ZKSCAN1: variants seen among roughly 807,000 people sequenced by gnomAD.
The protein encoded by ZKSCAN1 is zinc finger with KRAB and SCAN domains 1.
A neutral mutation model predicts 51.6 loss-of-function variants in ZKSCAN1; 14 were observed. That is an observed-to-expected ratio of 0.27 (90% CI 0.18 to 0.42). The LOEUF (loss-of-function observed/expected upper bound fraction) is 0.42. Among genes scored for constraint, ZKSCAN1 ranks in the 10% least tolerant of loss-of-function variants. The pLI is 1.00. For missense variants in ZKSCAN1, 531 were observed against 710.0 expected (o/e 0.75, Z 2.86); for synonymous variants, 263 against 261.5 (o/e 1.01, Z -0.06).
downstream of ZKSCAN1, chr7:100,045,068 C>G (rs1198537216): frequency 8.5e-5 from 68 of 802,378 alleles, no homozygotes; most frequent in Non-Finnish European, 9.4e-5. Context: ...ATCTTTTCCT[C>G]TCCTGGGTTT....
At position 100,038,494 on chromosome 7, in the gene ZKSCAN1, T is replaced by C. The variant is rs1791459104; in HGVS notation, c.*4297T>C. ...CTTTAAACGTGCAGCCTTTTGAATT[T>C]TTCCTCAAAACCAAGAAGTTGACCT... On this transcript the variant is annotated 3_prime_UTR_variant, in exon 6 of 6. Coordinates refer to ENST00000324306, the MANE Select transcript of ZKSCAN1 (RefSeq NM_003439.4). The C allele has an allele frequency of 1.0e-6, 1 of 985,446 alleles. No homozygotes were observed. The highest frequency in any genetic ancestry group is 1.2e-6 in the Non-Finnish European group (1 of 829,946). The allele number at this position is 985,446 out of a possible 1,614,324, so 61.0% of individuals were successfully genotyped here.
At chr7:100,021,801 G>A (rs1790602447) in intron 1 of ZKSCAN1, among the ~76,000 whole-genome samples, 1 of 150,042 alleles carries the variant, frequency 6.7e-6, no homozygotes, top group African/African-American at 2.5e-5. Context: ...CTGGAATGCA[G>A]TGGCGTGATC....
downstream of ZKSCAN1, chr7:100,044,701 A>T: frequency 1.4e-6 from 1 of 725,370 alleles, no homozygotes; most frequent in Non-Finnish European, 1.7e-6. Flanking sequence ...AAAAAAAAAA[A>T]AAAAGTAGCA....
intron 5 of ZKSCAN1, among the ~76,000 whole-genome samples, chr7:100,031,768 G>A (rs1416194611): frequency 6.6e-6 from 1 of 152,038 alleles, no homozygotes; most frequent in Non-Finnish European, 1.5e-5. Flanking sequence ...GATTCCTGTA[G>A]CCTGCCAGGT....
intron 1 of ZKSCAN1, chr7:100,016,681 CT>C (rs1790380055): frequency 1.3e-5 from 2 of 152,262 alleles, no homozygotes; most frequent in Admixed American, 6.6e-5. Flanking sequence ...GCAGTGCCCC[CT>C]GTACACAGTA....
chr7:100,020,673 A>G (rs1478869959), intron 1 of ZKSCAN1, among the ~76,000 whole-genome samples: 1 of 152,186 alleles, frequency 6.6e-6, no homozygotes, highest in Non-Finnish European at 1.5e-5. Context: ...ATGTATATAT[A>G]ATTTTTGTGC....
chr7:100,027,747 CAAA>C (rs1199868325), intron 3 of ZKSCAN1, among the ~76,000 whole-genome samples: 3 of 68,404 alleles, frequency 4.4e-5, no homozygotes, highest in Admixed American at 1.7e-4. Context: ...GATGCTGTCT[CAAA>C]AAAAAAAAAA....
chr7:100,023,925 G>C lies in ZKSCAN1; in HGVS notation c.419G>C (p.Gly140Ala). The C allele has an allele frequency of 6.3e-7, 1 of 1,583,790 alleles. No homozygotes were observed. Among genetic ancestry groups the C allele is most frequent in the East Asian group, 2.2e-5 (1 of 44,696 alleles). The stretch of plus-strand genomic sequence containing the variant: ...GAAGACTTGGAGCTTGATTTATCAG[G>C]ACAACAGGTAAAAAGAGGTGAAACC... ...LLEDLELDLS[G>A]QQVPGQVHGP... Residue 140 changes from glycine (G) to alanine (A), a missense_variant, in exon 2 of 6, where the codon GGA (glycine) becomes GCA (alanine). Transcript: ENST00000324306.
At chr7:100,018,113 G>A (rs1329229931) in intron 1 of ZKSCAN1, among the ~76,000 whole-genome samples, 2 of 152,190 alleles carry the variant, frequency 1.3e-5, no homozygotes, top group African/African-American at 2.4e-5. Flanking sequence ...GCATAGAGAG[G>A]TTAACTTGTT....
At chr7:100,024,455 A>T in intron 3 of ZKSCAN1, 148 bp downstream of exon 3, 1 of 1,004,514 alleles carries the variant, frequency 1.0e-6, no homozygotes, top group Non-Finnish European at 1.4e-6. Flanking sequence ...TTAGCCAGGT[A>T]TAGTGGCGCA....
At chr7:100,028,416 A>G (rs1397535579) in intron 3 of ZKSCAN1, among the ~76,000 whole-genome samples, 2 of 152,104 alleles carry the variant, frequency 1.3e-5, no homozygotes, top group African/African-American at 4.8e-5. Flanking sequence ...GGGGAGACCA[A>G]GGTGGGAGGA....
In ZKSCAN1 at chr7:100,039,791, G is replaced by T; in HGVS notation, c.*5594G>T. 8.1e-6 allele frequency: 8 copies of T among 985,372 alleles called. No homozygotes were observed. Among genetic ancestry groups the T allele is most frequent in the Non-Finnish European group, 9.6e-6 (8 of 829,928 alleles). 61.0% of individuals were successfully genotyped at this position (985,372 alleles called of 1,614,324 possible). On this transcript the variant is annotated 3_prime_UTR_variant, in exon 6 of 6. Coordinates refer to ENST00000324306, the MANE Select transcript of ZKSCAN1 (RefSeq NM_003439.4). Reference sequence around the variant, plus strand: ...GAGCAACTTCTCAGAGATACGAGGGGGCTAGGGTTTTCCCATCTGGGAAAT... The same window carrying T: ...GAGCAACTTCTCAGAGATACGAGGGTGCTAGGGTTTTCCCATCTGGGAAAT...
downstream of ZKSCAN1, among the ~76,000 whole-genome samples, chr7:100,042,737 CGT>C (rs34820993): frequency 0.042 from 6,119 of 144,670 alleles, 130 homozygotes; most frequent in Middle Eastern, 0.08. Context: ...TATAGATACA[CGT>C]GTGTGTGTGT....
Position 100,037,090 on chromosome 7 carries a change from C to T in ZKSCAN1, c.*2893C>T, listed in dbSNP as rs1791395876. ...TACAACTGTTTATTAAAACCACTTG[C>T]AGTGCATTCGTTTATCAGATGCTCA... On this transcript the variant is annotated 3_prime_UTR_variant, in exon 6 of 6. Transcript: ENST00000324306. 1 of 985,410 alleles carries T rather than the reference C, an allele frequency of 1.0e-6. No homozygotes were observed. Among genetic ancestry groups the T allele is most frequent in the Non-Finnish European group, 1.2e-6 (1 of 829,938 alleles). 61.0% of individuals were successfully genotyped at this position (985,410 alleles called of 1,614,324 possible). A position where few individuals can be genotyped will look rare whatever the true frequency, so the allele number is the denominator to read the frequency against.
Position 100,041,188 on chromosome 7 carries a change from A to T in ZKSCAN1, c.*6991A>T, listed in dbSNP as rs779086083. 541 of 731,354 alleles carry T rather than the reference A, an allele frequency of 7.4e-4. No homozygotes were observed. The highest frequency in any genetic ancestry group is 8.6e-4 in the Non-Finnish European group (516 of 598,254). The allele number at this position is 731,354 out of a possible 1,614,324, so 45.3% of individuals were successfully genotyped here. On this transcript the variant is annotated 3_prime_UTR_variant, in exon 6 of 6. Transcript: ENST00000324306. ...GTCAGTTCCCAGCTTCTTCGTTTAG[A>T]ATAAATTAGACCAAAAGAAGAAACG... is the stretch of plus-strand genomic sequence containing the variant.
At position 100,034,073 on chromosome 7, in the gene ZKSCAN1, G is replaced by A. The variant is rs1791236261; in HGVS notation, c.1568G>A (p.Gly523Asp). 6.2e-7 allele frequency: 1 copy of A among 1,613,584 alleles called. No homozygotes were observed. The highest frequency in any genetic ancestry group is 8.5e-7 in the Non-Finnish European group (1 of 1,179,894). Residue 523 changes from glycine to aspartate, a missense_variant, in exon 6 of 6, where the codon GGC becomes GAC. Coordinates refer to ENST00000324306, the MANE Select transcript of ZKSCAN1 (RefSeq NM_003439.4). ...AAGCCCTACAAGTGCACTAAGTGTG[G>A]CAAGGCCTTCACCCGCAGCTCCACC... ...REKPYKCTKC[G>D]KAFTRSSTLT...
Position 100,036,339 on chromosome 7 carries a change from T to C in ZKSCAN1, c.*2142T>C. On this transcript the variant is annotated 3_prime_UTR_variant, in exon 6 of 6. Transcript: ENST00000324306. ...AACTAAAATGGAGGCAGAAAATGTTTTAAGGATTTTCTTCAAAGAATAAGC... is the reference window on the plus strand; with the variant it reads ...AACTAAAATGGAGGCAGAAAATGTTCTAAGGATTTTCTTCAAAGAATAAGC... 1.0e-6 allele frequency: 1 copy of C among 985,386 alleles called. No homozygotes were observed. Among genetic ancestry groups the C allele is most frequent in the Non-Finnish European group, 1.2e-6 (1 of 829,922 alleles). 61.0% of individuals were successfully genotyped at this position (985,386 alleles called of 1,614,324 possible). A position where few individuals can be genotyped will look rare whatever the true frequency, so the allele number is the denominator to read the frequency against.
At position 100,033,410 on chromosome 7, in the gene ZKSCAN1, G is replaced by A; in HGVS notation, c.905G>A (p.Gly302Glu). Residue 302 changes from glycine to glutamate, a missense_variant, in exon 6 of 6, where the codon GGA (glycine) becomes GAA (glutamate). By Grantham distance (98) the Gly-to-Glu change is moderately conservative. Transcript: ENST00000324306. The surrounding 1 kb of genome is among the most constrained non-coding windows in gnomAD (Gnocchi z 4.1). Reference sequence around the variant, plus strand: ...ACAGGAAGATCCCAGAAAGAGTTTGGAGAGAAACGTGACCAGGAGGGCAAA... The same window carrying A: ...ACAGGAAGATCCCAGAAAGAGTTTGAAGAGAAACGTGACCAGGAGGGCAAA... The part of the protein sequence containing the change: ...ETTGRSQKEF[G>E]EKRDQEGKTG... The A allele has an allele frequency of 6.2e-7, 1 of 1,614,116 alleles. No individual in the cohort carries two copies. Among genetic ancestry groups the A allele is most frequent in the Non-Finnish European group, 8.5e-7 (1 of 1,180,028 alleles).
chr7:100,022,119 ATCTCGGC>A (rs1790616441), intron 1 of ZKSCAN1, among the ~76,000 whole-genome samples: 1 of 152,162 alleles, frequency 6.6e-6, no homozygotes, highest in African/African-American at 2.4e-5. Context: ...CAGTGGCGCG[ATCTCGGC>A]TCACTGCAAC....
Sources: gnomAD v4.1 joint callset for allele counts (sites outside exome capture counted in the v4.1 genomes callset) on GRCh38, gnomAD v4.1.1 for gene constraint, Gnocchi (gnomAD v3.1) non-coding constraint, MANE v1.5 for transcripts, NCBI Gene and HGNC (gene_info 2026-07-23, HGNC 2026-07-21) for gene names.